TRUB1: variants seen among roughly 807,000 people sequenced by gnomAD.
TRUB1 encodes the protein TruB pseudouridine synthase family member 1.
TRUB1 carries 23 observed loss-of-function variants against 33.9 expected under a neutral mutation model. That is an observed-to-expected ratio of 0.68 (90% confidence interval 0.49 to 0.96). The LOEUF is 0.96. Among genes scored for constraint, TRUB1 ranks in the 40% least tolerant of loss-of-function variants. The pLI is 0.00. For synonymous variants in TRUB1, 163 were observed against 165.4 expected (o/e 0.99, Z 0.11); for missense variants, 378 against 422.2 (o/e 0.90, Z 0.92).
In TRUB1 at chr10:114,947,589, A is replaced by G. The variant is rs151053907; in HGVS notation, c.386-3505A>G. Among the ~76,000 whole-genome samples, 565 of 152,138 alleles carry G rather than the reference A, an allele frequency of 3.7e-3. 2 individuals carry two copies. Among genetic ancestry groups the G allele is most frequent in the African/African-American group, 0.013 (549 of 41,398 alleles). On this transcript the variant is annotated intron_variant, in intron 2 of 7. Coordinates refer to ENST00000298746, the MANE Select transcript of TRUB1 (RefSeq NM_139169.5). Reference sequence around the variant, plus strand: ...CATATTTCCTTGTAGCTTTTTGTCTATGCAGATTTTTAAAGTTGAGATCTA... The same window carrying G: ...CATATTTCCTTGTAGCTTTTTGTCTGTGCAGATTTTTAAAGTTGAGATCTA...
chr10:114,970,505 A>G (rs780906364), intron 5 of TRUB1, 65 bp downstream of exon 5: 6 of 1,204,870 alleles, frequency 5.0e-6, no homozygotes, highest in African/African-American at 4.5e-5. Flanking sequence ...ACATCACTCT[A>G]GTTAAAATAC....
chr10:114,964,424 TG>T (rs1460613187), intron 4 of TRUB1, among the ~76,000 whole-genome samples: 1 of 152,174 alleles, frequency 6.6e-6, no homozygotes, highest in African/African-American at 2.4e-5. Context: ...TTATATAGTC[TG>T]GATATGTTCT....
At chr10:114,959,609 G>A (rs2084276606) in intron 3 of TRUB1, 117 bp from the exon 4 acceptor site, 1 of 699,664 alleles carries the variant, frequency 1.4e-6, no homozygotes, top group Non-Finnish European at 2.6e-6. Context: ...TGTTGTTTTA[G>A]CCTGTATTTT....
intron 4 of TRUB1, among the ~76,000 whole-genome samples, chr10:114,962,548 C>A (rs2084288781): frequency 6.6e-6 from 1 of 152,208 alleles, no homozygotes; most frequent in South Asian, 2.1e-4. Flanking sequence ...CTTTAGCCAA[C>A]ATCAGTTGTT....
intron 4 of TRUB1, among the ~76,000 whole-genome samples, chr10:114,960,989 G>T (rs1490910352): frequency 6.6e-6 from 1 of 152,118 alleles, no homozygotes; most frequent in African/African-American, 2.4e-5. Flanking sequence ...AATTAAGGCT[G>T]GGGGGTGTGG....
At chr10:114,970,522 T>G in intron 5 of TRUB1, 82 bp downstream of exon 5, 2 of 1,067,188 alleles carry the variant, frequency 1.9e-6, no homozygotes, top group Non-Finnish European at 2.9e-6. Flanking sequence ...ATACACGAGT[T>G]TCCTCTTAGC....
rs1036586205 is a variant in TRUB1, at chr10:114,975,668, C to G, written c.*289C>G. 4.7e-6 allele frequency: 1 copy of G among 213,892 alleles called. No individual in the cohort carries two copies. Among genetic ancestry groups the G allele is most frequent in the African/African-American group, 2.3e-5 (1 of 43,536 alleles). 13.2% of individuals were successfully genotyped at this position (213,892 alleles called of 1,614,324 possible). On this transcript the variant is annotated 3_prime_UTR_variant, in exon 8 of 8. Coordinates refer to ENST00000298746, the MANE Select transcript of TRUB1 (RefSeq NM_139169.5). ...GAAAAATTAACTTTCTGAATTTGAT[C>G]TGTCTTCAGTCTTGTGAAAAAGTTG...
chr10:114,969,302 G>A (rs1454561431), intron 4 of TRUB1, among the ~76,000 whole-genome samples: 2 of 150,866 alleles, frequency 1.3e-5, no homozygotes, highest in Non-Finnish European at 3.0e-5. Flanking sequence ...GTGTGGTTGT[G>A]CACGCCTGTA....
intron 1 of TRUB1, among the ~76,000 whole-genome samples, chr10:114,942,182 A>G (rs927085004): frequency 6.6e-6 from 1 of 152,214 alleles, no homozygotes. Flanking sequence ...GTAGCCCTGC[A>G]TGAGATGTAC....
At chr10:114,970,614 A>G (rs1221912643) in intron 5 of TRUB1, among the ~76,000 whole-genome samples, 174 bp downstream of exon 5, 2 of 152,216 alleles carry the variant, frequency 1.3e-5, no homozygotes, top group Non-Finnish European at 2.9e-5. Context: ...TGACACTCTA[A>G]GAGGCAGTGG....
chr10:114,962,846 T>C (rs11816181), intron 4 of TRUB1, among the ~76,000 whole-genome samples: 11 of 152,180 alleles, frequency 7.2e-5, no homozygotes, highest in African/African-American at 1.2e-4. Context: ...ATATGACATA[T>C]AGAGTTTGAA....
chr10:114,963,055 G>T (rs1432043650), intron 4 of TRUB1, among the ~76,000 whole-genome samples: 1 of 152,182 alleles, frequency 6.6e-6, no homozygotes, highest in African/African-American at 2.4e-5. Flanking sequence ...AGGACACTAA[G>T]ACCATAGCTT....
chr10:114,959,839 C>A (rs757598938), intron 4 of TRUB1, 32 bp downstream of exon 4: 1 of 1,367,390 alleles, frequency 7.3e-7, no homozygotes, highest in Non-Finnish European at 1.0e-6. Flanking sequence ...GGCCTCTTTT[C>A]TAACATTTAG....
At chr10:114,940,277 A>C (rs931715933) in intron 1 of TRUB1, among the ~76,000 whole-genome samples, 5 of 152,106 alleles carry the variant, frequency 3.3e-5, no homozygotes, top group African/African-American at 1.2e-4. Flanking sequence ...ATGCACCACC[A>C]TGCCCAGCTA....
intron 2 of TRUB1, among the ~76,000 whole-genome samples, chr10:114,947,719 A>G (rs2084217194): frequency 6.6e-6 from 1 of 152,236 alleles, no homozygotes; most frequent in South Asian, 2.1e-4. Flanking sequence ...TAATGGCTAT[A>G]AAATGTTCCA....
intron 2 of TRUB1, among the ~76,000 whole-genome samples, chr10:114,948,950 A>G (rs1051707502): frequency 6.6e-6 from 1 of 152,160 alleles, no homozygotes; most frequent in Non-Finnish European, 1.5e-5. Flanking sequence ...ACATCCTTCA[A>G]AGGCCTAATA....
At chr10:114,953,597 A>G (rs2084246925) in intron 3 of TRUB1, among the ~76,000 whole-genome samples, 1 of 152,222 alleles carries the variant, frequency 6.6e-6, no homozygotes, top group African/African-American at 2.4e-5. Context: ...ATATAGATAC[A>G]TACATTTATG....
chr10:114,975,296 G>T lies in TRUB1; in HGVS notation c.967G>T (p.Glu323Ter), dbSNP rs542187103. Residue 323 changes from glutamate (E) to a stop codon, truncating the protein, a stop_gained, in exon 8 of 8, where the codon GAG becomes TAG. Transcript: ENST00000298746. LOFTEE classifies it high-confidence loss of function. ...GTTGGCACTTAAAAAATCAAAACCTGAGTCTAATGAACAGGTTTTGAGCTG... is the reference window on the plus strand; with the variant it reads ...GTTGGCACTTAAAAAATCAAAACCTTAGTCTAATGAACAGGTTTTGAGCTG... ...AELALKKSKP[E>*]SNEQVLSCEY... The T allele has an allele frequency of 1.2e-6, 2 of 1,613,402 alleles. No individual in the cohort carries two copies. The highest frequency in any genetic ancestry group is 1.3e-5 in the African/African-American group (1 of 74,978).
intron 3 of TRUB1, among the ~76,000 whole-genome samples, chr10:114,952,001 C>T (rs2084237707): frequency 6.6e-6 from 1 of 152,132 alleles, no homozygotes; most frequent in African/African-American, 2.4e-5. Flanking sequence ...TCATTGCAGA[C>T]TGATTGATGA....
Sources: allele counts gnomAD v4.1 joint callset (sites outside exome capture counted in the v4.1 genomes callset), GRCh38; gene constraint gnomAD v4.1.1; transcripts MANE v1.5; gene names NCBI Gene and HGNC (gene_info 2026-07-23, HGNC 2026-07-21).